Variants in ARHGAP36 observed in about 807,000 individuals in gnomAD.
ARHGAP36 encodes the protein rho GTPase-activating protein 36.
ARHGAP36 carries 7 observed loss-of-function variants against 32.9 expected under a neutral mutation model. The ratio of observed to expected loss-of-function variants is 0.21; its 90% CI spans 0.12 to 0.40. The LOEUF (loss-of-function observed/expected upper bound fraction) is 0.40. ARHGAP36 is among the 10% of genes least tolerant of loss of function. The pLI, the probability that ARHGAP36 is intolerant of heterozygous loss-of-function variation, is 1.00. For missense variants in ARHGAP36, 383 were observed against 442.2 expected, an observed-to-expected ratio of 0.87 and a Z score of 1.20; for synonymous variants, 165 against 168.3, an observed-to-expected ratio of 0.98 and a Z score of 0.15.
intron 1 of ARHGAP36, among the ~76,000 whole-genome samples, chrX:131,061,932 T>G (rs1226518032): frequency 8.9e-6 from 1 of 112,348 alleles, no homozygotes; most frequent in Admixed American, 9.4e-5. Context: ...GAGCTGACAT[T>G]TATCAGGCTT....
intron 11 of ARHGAP36, among the ~76,000 whole-genome samples, chrX:131,086,978 T>C (rs186994765): frequency 9.2e-4 from 103 of 111,661 alleles, no homozygotes; most frequent in Non-Finnish European, 1.5e-3. Flanking sequence ...CTTGGAGATA[T>C]TCTAGAACCA....
intron 1 of ARHGAP36, among the ~76,000 whole-genome samples, chrX:131,060,698 C>G (rs2079664106): frequency 8.9e-6 from 1 of 112,227 alleles, no homozygotes; most frequent in Non-Finnish European, 1.9e-5. Flanking sequence ...CCCAACATAC[C>G]CCTGCAGCAC....
Position 131,086,582 on chromosome X carries a change from A to C in ARHGAP36, c.1403A>C (p.Glu468Ala). 1 of 1,211,896 alleles carries C rather than the reference A, an allele frequency of 8.3e-7. No individual in the cohort carries two copies. Among genetic ancestry groups the C allele is most frequent in the Middle Eastern group, 2.3e-4 (1 of 4,355 alleles). The change falls in exon 11 of 12, where the codon GAG becomes GCG. Residue 468 changes from glutamate (E) to alanine (A), a missense_variant. Physicochemically the swap from Glu to Ala is moderately radical, Grantham distance 107. Coordinates refer to ENST00000276211, the MANE Select transcript of ARHGAP36 (RefSeq NM_144967.4). ...KIQSARIKME[E>A]DALLSDPVET... The stretch of plus-strand genomic sequence containing the variant: ...AGGAGTGCACGCATAAAGATGGAAG[A>C]GGATGCACTACTTTCTGATCCAGTG...
At chrX:131,065,802 C>T (rs1213085276) in intron 1 of ARHGAP36, among the ~76,000 whole-genome samples, 4 of 111,977 alleles carry the variant, frequency 3.6e-5, no homozygotes, top group Non-Finnish European at 7.5e-5. Flanking sequence ...TTTTCATCCA[C>T]GCACCAGGCT....
At chrX:131,065,010 G>A (rs1224538836) in intron 1 of ARHGAP36, among the ~76,000 whole-genome samples, 1 of 104,760 alleles carries the variant, frequency 9.5e-6, no homozygotes, top group Non-Finnish European at 1.9e-5. Flanking sequence ...TTATGACAGC[G>A]ATTTTAAGCT....
chrX:131,071,536 C>T (rs775223827), intron 1 of ARHGAP36, among the ~76,000 whole-genome samples: 6 of 111,726 alleles, frequency 5.4e-5, no homozygotes, highest in South Asian at 3.8e-4. Context: ...TAGAGCCAGA[C>T]GCTCTCTCTC....
Position 131,081,770 on chromosome X carries a change from G to T in ARHGAP36, c.105G>T (p.Leu35Phe). Residue 35 changes from leucine to phenylalanine, a missense_variant, in exon 2 of 12, where the codon TTG (leucine) becomes TTT (phenylalanine). Transcript: ENST00000276211. ...CCTTCATTTTTTTAGTGAGTGTCTT[G>T]GGAGGAGCCCCAGGACACAACCCCG... is the stretch of plus-strand genomic sequence containing the variant. ...LSAFIFLVSV[L>F]GGAPGHNPDR... is the part of the protein sequence containing the mutation. 8.3e-7 allele frequency: 1 copy of T among 1,211,928 alleles called. No homozygotes were observed. Among genetic ancestry groups the T allele is most frequent in the Non-Finnish European group, 1.1e-6 (1 of 895,596 alleles).
intron 2 of ARHGAP36, 135 bp from the exon 3 acceptor site, chrX:131,083,030 T>G: frequency 1.9e-6 from 1 of 536,697 alleles, no homozygotes; most frequent in South Asian, 3.9e-5. Flanking sequence ...AGAAAGCAAA[T>G]TACTTTTCGC....
chrX:131,074,108 A>G (rs2079747426), intron 1 of ARHGAP36, among the ~76,000 whole-genome samples: 2 of 110,758 alleles, frequency 1.8e-5, no homozygotes, highest in African/African-American at 6.6e-5. Context: ...AGCTCTCAGC[A>G]CGGATTCTGA....
At chrX:131,075,885 A>G (rs62601338) in intron 1 of ARHGAP36, among the ~76,000 whole-genome samples, 1 of 111,396 alleles carries the variant, frequency 9.0e-6, no homozygotes. Context: ...TTCCCAGATC[A>G]TATTCCTCCA....
rs1356660380 is a variant in ARHGAP36, at chrX:131,084,500, A to G, written c.748+93A>G. 15 of 1,134,538 alleles carry G rather than the reference A, an allele frequency of 1.3e-5. No individual in the cohort carries two copies. In the Admixed American group the frequency reaches 3.0e-4, roughly 23 times the overall value. 93.5% of individuals were successfully genotyped at this position (1,134,538 alleles called of 1,213,427 possible). On this transcript the variant is annotated intron_variant, in intron 5 of 11. Coordinates refer to ENST00000276211, the MANE Select transcript of ARHGAP36 (RefSeq NM_144967.4). ...GGGGGAGAAAAGAGGCCGAGGATGA[A>G]GGGCTTGGATAACATTCCCCTGACA...
chrX:131,081,812 G>T lies in ARHGAP36; in HGVS notation c.147G>T (p.Met49Ile). The change falls in exon 2 of 12, where the codon ATG becomes ATT. Residue 49 changes from methionine to isoleucine, a missense_variant. Physicochemically the swap from Met to Ile is conservative, Grantham distance 10. Coordinates refer to ENST00000276211, the MANE Select transcript of ARHGAP36 (RefSeq NM_144967.4). The stretch of plus-strand genomic sequence containing the variant: ...ACAACCCCGACCGCAGGACGAAGAT[G>T]GTATCGATACACAGCCTCTCTGAGC... ...PGHNPDRRTK[M>I]VSIHSLSELE... The T allele has an allele frequency of 3.3e-6, 4 of 1,212,029 alleles. No individual in the cohort carries two copies. The highest frequency in any genetic ancestry group is 4.5e-6 in the Non-Finnish European group (4 of 895,573).
intron 3 of ARHGAP36, among the ~76,000 whole-genome samples, 165 bp downstream of exon 3, chrX:131,083,395 G>A (rs1052006145): frequency 8.9e-6 from 1 of 112,496 alleles, no homozygotes; most frequent in African/African-American, 3.2e-5. Flanking sequence ...CGCAGTAGCT[G>A]TAGGTGCTTG....
chrX:131,065,695 G>A (rs2079694556), intron 1 of ARHGAP36, among the ~76,000 whole-genome samples: 1 of 111,568 alleles, frequency 9.0e-6, no homozygotes, highest in Non-Finnish European at 1.9e-5. Context: ...ATACTTTCTG[G>A]CTACATAATA....
rs189013486 is a variant in ARHGAP36, at chrX:131,069,746, C to A, written c.-143+11302C>A. The stretch of plus-strand genomic sequence containing the variant: ...GGCCACAAGAGAATCCAGGTCACAA[C>A]TCCAATCCTTGGATTTGTGATGAGG... On this transcript the variant is annotated intron_variant, in intron 1 of 11. Transcript: ENST00000276211. 6.2e-5 allele frequency among the ~76,000 whole-genome samples: 7 copies of A among 112,124 alleles called. No individual in the cohort carries two copies. The East Asian group carries it at 2.0e-3, about 32-fold the overall frequency.
intron 1 of ARHGAP36, among the ~76,000 whole-genome samples, chrX:131,070,436 A>G (rs1346981345): frequency 7.2e-5 from 8 of 111,747 alleles, no homozygotes; most frequent in Non-Finnish European, 1.1e-4. Flanking sequence ...TAGAACGTCT[A>G]TATTCATATG....
At chrX:131,084,543 T>A in intron 5 of ARHGAP36, 83 bp from the exon 6 acceptor site, 1 of 1,152,155 alleles carries the variant, frequency 8.7e-7, no homozygotes, top group Non-Finnish European at 1.2e-6. Flanking sequence ...GAGGTCGCGA[T>A]GCAGTAGGGG....
Position 131,074,652 on chromosome X carries a change from G to C in ARHGAP36, c.-142-6872G>C, listed in dbSNP as rs1387432580. On this transcript the variant is annotated intron_variant, in intron 1 of 11. Transcript: ENST00000276211. ...AAGGAAAGGAAACATATTTAAATTAGTGCAAGAAAGATGATGTTAAACCCA... is the reference window on the plus strand; with the variant it reads ...AAGGAAAGGAAACATATTTAAATTACTGCAAGAAAGATGATGTTAAACCCA... 1.2e-4 allele frequency among the ~76,000 whole-genome samples: 13 copies of C among 111,919 alleles called. No homozygotes were observed. The Admixed American group carries it at 1.2e-3, about 11-fold the overall frequency.
At chrX:131,083,290 G>T in intron 3 of ARHGAP36, 60 bp downstream of exon 3, 2 of 1,108,290 alleles carry the variant, frequency 1.8e-6, no homozygotes, top group Non-Finnish European at 1.2e-6. Flanking sequence ...CCTGTGTAGT[G>T]TGGCCCTGGC....
Sources: gnomAD v4.1 joint callset for allele counts (sites outside exome capture counted in the v4.1 genomes callset) on GRCh38, gnomAD v4.1.1 for gene constraint, MANE v1.5 for transcripts, NCBI Gene and HGNC (gene_info 2026-07-23, HGNC 2026-07-21) for gene names.